GCLM: variants seen among roughly 807,000 people sequenced by gnomAD.
The protein encoded by GCLM is glutamate--cysteine ligase regulatory subunit.
Under a neutral mutation model 36.0 loss-of-function variants are expected in GCLM, and 15 were observed. That is an observed-to-expected ratio of 0.42 (90% CI 0.28 to 0.64). The LOEUF (loss-of-function observed/expected upper bound fraction) is 0.64. Among genes scored for constraint, GCLM ranks in the 30% least tolerant of loss-of-function variants. The pLI is 0.25. For missense variants in GCLM, 242 were observed against 325.5 expected, an observed-to-expected ratio of 0.74 and a Z score of 1.97; for synonymous variants, 129 against 122.8, an observed-to-expected ratio of 1.05 and a Z score of -0.34.
Position 93,895,815 on chromosome 1 carries a change from ACACT to A in GCLM, c.540+799_540+802del, listed in dbSNP as rs530441919. On this transcript the variant is annotated intron_variant, in intron 5 of 6. Transcript: ENST00000370238. ...AGAGAGTGGGAATAATTAATTTATGACACTCACTCCATATCAAGTTGTATGAACT... is the reference window on the plus strand; with the variant it reads ...AGAGAGTGGGAATAATTAATTTATGACACTCCATATCAAGTTGTATGAACT... Among the ~76,000 whole-genome samples the A allele has an allele frequency of 3.3e-5, 5 of 152,274 alleles. No homozygotes were observed. The South Asian group carries it at 8.3e-4, about 25-fold the overall frequency.
chr1:93,896,013 A>G (rs1656718699), intron 5 of GCLM, among the ~76,000 whole-genome samples: 2 of 140,470 alleles, frequency 1.4e-5, no homozygotes, highest in Admixed American at 7.7e-5. Flanking sequence ...CCCAGGCTGG[A>G]GTACAGTGGC....
intron 1 of GCLM, among the ~76,000 whole-genome samples, chr1:93,905,477 C>T (rs1657114031): frequency 1.3e-5 from 2 of 152,086 alleles, no homozygotes; most frequent in African/African-American, 2.4e-5. Context: ...ACTTTATCTA[C>T]GTACTCTAAA....
At chr1:93,907,882 T>G (rs1657202741) in intron 1 of GCLM, among the ~76,000 whole-genome samples, 1 of 152,218 alleles carries the variant, frequency 6.6e-6, no homozygotes, top group Non-Finnish European at 1.5e-5. Flanking sequence ...GGATGCCGTG[T>G]GCTGCTGCAT....
chr1:93,904,107 C>T (rs1657060696), intron 2 of GCLM, among the ~76,000 whole-genome samples: 1 of 152,212 alleles, frequency 6.6e-6, no homozygotes, highest in South Asian at 2.1e-4. Context: ...ATGATAGTAG[C>T]CATATACTGA....
At chr1:93,905,988 C>A (rs1460932512) in intron 1 of GCLM, among the ~76,000 whole-genome samples, 5 of 152,164 alleles carry the variant, frequency 3.3e-5, no homozygotes, top group Non-Finnish European at 7.3e-5. Flanking sequence ...AGAGGCAAGC[C>A]CCTGAATTGC....
rs941386809 is a variant in GCLM at position 93,886,436 on chromosome 1, T to C, written c.*2554A>G. On this transcript the variant is annotated 3_prime_UTR_variant, in exon 7 of 7. Transcript: ENST00000370238. ...GTGTTCACTATATTCTGATAGTTCA[T>C]GAAAAAAAGATGTGAACATCAGCCT... 1.3e-5 allele frequency: 2 copies of C among 152,042 alleles called. No homozygotes were observed. The highest frequency in any genetic ancestry group is 6.6e-5 in the Admixed American group (1 of 15,250). 9.4% of individuals were successfully genotyped at this position (152,042 alleles called of 1,614,324 possible).
chr1:93,905,591 G>A (rs754578952), intron 1 of GCLM, among the ~76,000 whole-genome samples: 2 of 151,916 alleles, frequency 1.3e-5, no homozygotes, highest in Non-Finnish European at 2.9e-5. Flanking sequence ...TATCTTCCAT[G>A]TTTTCTTAGA....
In GCLM at chr1:93,885,975, A is replaced by G. The variant is rs1330726705; in HGVS notation, c.*3015T>C. The G allele has an allele frequency of 6.6e-6, 1 of 152,198 alleles. No homozygotes were observed. Among genetic ancestry groups the G allele is most frequent in the Non-Finnish European group, 1.5e-5 (1 of 67,998 alleles). 9.4% of individuals were successfully genotyped at this position (152,198 alleles called of 1,614,324 possible). ...TCCATTTTATACATAGCTGCTATCC[A>G]AATGATCTTTTTTGAAAAATGAAAA... On this transcript the variant is annotated 3_prime_UTR_variant, in exon 7 of 7. Coordinates refer to ENST00000370238, the MANE Select transcript of GCLM (RefSeq NM_002061.4).
At position 93,886,471 on chromosome 1, in the gene GCLM, A is replaced by ATATGTTT. The variant is rs1656306755; in HGVS notation, c.*2518_*2519insAAACATA. ...ATGTGAACATCAGCCTGGAAAACATATATAAAGCCTTAAAAATCAGTGTTT... is the reference window on the plus strand; with the variant it reads ...ATGTGAACATCAGCCTGGAAAACATATATGTTTTATAAAGCCTTAAAAATCAGTGTTT... On this transcript the variant is annotated 3_prime_UTR_variant, in exon 7 of 7. Coordinates refer to ENST00000370238, the MANE Select transcript of GCLM (RefSeq NM_002061.4). The ATATGTTT allele has an allele frequency of 2.0e-5, 3 of 152,184 alleles. No individual in the cohort carries two copies. The highest frequency in any genetic ancestry group is 4.4e-5 in the Non-Finnish European group (3 of 68,022). 9.4% of individuals were successfully genotyped at this position (152,184 alleles called of 1,614,324 possible).
intron 6 of GCLM, among the ~76,000 whole-genome samples, chr1:93,894,222 G>C (rs1362307284): frequency 1.3e-5 from 2 of 151,722 alleles, no homozygotes; most frequent in African/African-American, 2.4e-5. Context: ...TCATGCTACT[G>C]CACTCCAGCC....
chr1:93,897,843 G>T lies in GCLM; in HGVS notation c.333C>A (p.Asp111Glu). Reference sequence around the variant, plus strand: ...AAAAATTCAGTTTTTGCTTACCCATGTCAACTGCACTTCTAGTTGATGATG... The same window carrying T: ...AAAAATTCAGTTTTTGCTTACCCATTTCAACTGCACTTCTAGTTGATGATG... ...NSSSSTRSAV[D>E]MACSVLGVAQ... Residue 111 changes from aspartate (D) to glutamate (E), a missense_variant, in exon 4 of 7, where the codon GAC (aspartate) becomes GAA (glutamate). Transcript: ENST00000370238. The T allele has an allele frequency of 6.5e-7, 1 of 1,542,410 alleles. No homozygotes were observed.
chr1:93,905,360 T>C (rs1657110318), intron 1 of GCLM, among the ~76,000 whole-genome samples: 1 of 152,176 alleles, frequency 6.6e-6, no homozygotes, highest in African/African-American at 2.4e-5. Context: ...CAGATTCACC[T>C]GTGCTGTTTA....
chr1:93,894,995 A>C (rs1656675092), intron 5 of GCLM, among the ~76,000 whole-genome samples: 1 of 144,986 alleles, frequency 6.9e-6, no homozygotes, highest in Non-Finnish European at 1.5e-5. Flanking sequence ...GGGAACGAAA[A>C]AGCCAACAGT....
chr1:93,907,565 T>C (rs1657189548), intron 1 of GCLM, among the ~76,000 whole-genome samples: 1 of 152,214 alleles, frequency 6.6e-6, no homozygotes, highest in Admixed American at 6.5e-5. Context: ...GAGTATGCTA[T>C]TGTGAGATAG....
intron 1 of GCLM, among the ~76,000 whole-genome samples, chr1:93,908,386 C>A (rs1256178391): frequency 6.6e-6 from 1 of 151,860 alleles, no homozygotes; most frequent in African/African-American, 2.4e-5. Flanking sequence ...ATTTATGGGG[C>A]ACATGTGATA....
At position 93,896,831 on chromosome 1, in the gene GCLM, G is replaced by A. The variant is rs1656752531; in HGVS notation, c.338-11C>T. The A allele has an allele frequency of 1.3e-6, 2 of 1,489,786 alleles. No individual in the cohort carries two copies. The highest frequency in any genetic ancestry group is 1.9e-6 in the Non-Finnish European group (2 of 1,067,102). The allele number at this position is 1,489,786 out of a possible 1,614,324, so 92.3% of individuals were successfully genotyped here. A position where few individuals can be genotyped will look rare whatever the true frequency, so the allele number is the denominator to read the frequency against. On this transcript the variant is annotated splice_polypyrimidine_tract_variant and intron_variant, in intron 4 of 6. Coordinates refer to ENST00000370238, the MANE Select transcript of GCLM (RefSeq NM_002061.4). The stretch of plus-strand genomic sequence containing the variant: ...CAAGGACTGAACAGGCTGATAGGAA[G>A]GAAGACACAAAGAAAATAAATGCTT...
intron 1 of GCLM, among the ~76,000 whole-genome samples, chr1:93,905,735 T>C (rs888875816): frequency 6.6e-6 from 1 of 152,238 alleles, no homozygotes; most frequent in Non-Finnish European, 1.5e-5. Context: ...AGCAAAGACC[T>C]ATATACATAT....
rs764427647 is a variant in GCLM at position 93,885,591 on chromosome 1, T to C, written c.*3399A>G. On this transcript the variant is annotated 3_prime_UTR_variant, in exon 7 of 7. Transcript: ENST00000370238. ...TGAAAAAGGTATATGTTCTGGTATA[T>C]TAGGAAGTTAATGATGAAAAATATA... 6.6e-6 allele frequency: 1 copy of C among 152,188 alleles called. No individual in the cohort carries two copies. The highest frequency in any genetic ancestry group is 1.5e-5 in the Non-Finnish European group (1 of 68,016). 9.4% of individuals were successfully genotyped at this position (152,188 alleles called of 1,614,324 possible).
intron 1 of GCLM, chr1:93,908,726 T>A (rs1321602882): frequency 4.8e-6 from 1 of 209,006 alleles, no homozygotes; most frequent in Non-Finnish European, 9.6e-6. Context: ...GTCCTGGCCC[T>A]CTGTGACCTC....
Sources: gnomAD v4.1 joint callset for allele counts (sites outside exome capture counted in the v4.1 genomes callset) on GRCh38, gnomAD v4.1.1 for gene constraint, MANE v1.5 for transcripts, NCBI Gene and HGNC (gene_info 2026-07-23, HGNC 2026-07-21) for gene names.